Variants in IQSEC1 observed in about 807,000 individuals in gnomAD.
IQSEC1 encodes IQ motif and Sec7 domain ArfGEF 1, also known as IQ motif and SEC7 domain-containing protein 1.
Under a neutral mutation model 91.0 loss-of-function variants are expected in IQSEC1, and 31 were observed. The observed-to-expected ratio is 0.34, with a 90% CI of 0.26 to 0.46. The LOEUF (loss-of-function observed/expected upper bound fraction) is 0.46. Among genes scored for constraint, IQSEC1 ranks in the 20% least tolerant of loss-of-function variants. IQSEC1 has a pLI of 1.00. For synonymous variants in IQSEC1, 699 were observed against 662.6 expected (o/e 1.05, Z -0.84); for missense variants, 1,388 against 1,575.6 (o/e 0.88, Z 2.02).
intron 1 of IQSEC1, among the ~76,000 whole-genome samples, chr3:13,034,924 G>C (rs1048920951): frequency 6.6e-6 from 1 of 152,324 alleles, no homozygotes; most frequent in East Asian, 1.9e-4. Context: ...CCAGGGATCG[G>C]CCTCGCCCCG....
intron 1 of IQSEC1, among the ~76,000 whole-genome samples, chr3:13,241,947 A>G (rs1695027879): frequency 6.6e-6 from 1 of 152,260 alleles, no homozygotes; most frequent in East Asian, 1.9e-4. Context: ...GATTGACGCC[A>G]AGGAGCTGGA....
rs1694505049 is a variant in IQSEC1 at position 13,214,486 on chromosome 3, T to C, written c.273-50353A>G. On this transcript the variant is annotated intron_variant, in intron 1 of 15. Transcript: ENST00000648114. The surrounding 1 kb of genome is among the most constrained non-coding windows in gnomAD (Gnocchi z 4.5). ...GACATGTCCCTCCTCGTAGCCCTCC[T>C]TCCTCCAAGAAACAAATGGGAAACT... 6.6e-6 allele frequency among the ~76,000 whole-genome samples: 1 copy of C among 152,248 alleles called. No homozygotes were observed. Among genetic ancestry groups the C allele is most frequent in the African/African-American group, 2.4e-5 (1 of 41,470 alleles).
At chr3:12,934,953 C>G (rs192771509) in intron 3 of IQSEC1, among the ~76,000 whole-genome samples, 1 of 151,716 alleles carries the variant, frequency 6.6e-6, no homozygotes, top group African/African-American at 2.4e-5. Flanking sequence ...CTGAGCACTC[C>G]TACCCCCAGA....
At chr3:13,166,964 G>A (rs992880277) in intron 1 of IQSEC1, among the ~76,000 whole-genome samples, 30 of 152,258 alleles carry the variant, frequency 2.0e-4, no homozygotes, top group Non-Finnish European at 2.2e-4. Context: ...ATAATGTGGG[G>A]AGAAAAGCGA....
At chr3:13,252,405 C>G (rs762249659) in intron 1 of IQSEC1, among the ~76,000 whole-genome samples, 7 of 152,248 alleles carry the variant, frequency 4.6e-5, no homozygotes, top group Non-Finnish European at 1.0e-4. Context: ...CCATATTCCA[C>G]TGTGTGCATA....
At position 12,909,493 on chromosome 3, in the gene IQSEC1, T is replaced by C; in HGVS notation, c.2417-59A>G. 6.6e-7 allele frequency: 1 copy of C among 1,507,830 alleles called. No individual in the cohort carries two copies. Among genetic ancestry groups the C allele is most frequent in the Non-Finnish European group, 9.1e-7 (1 of 1,097,274 alleles). 93.4% of individuals were successfully genotyped at this position (1,507,830 alleles called of 1,614,324 possible). The stretch of plus-strand genomic sequence containing the variant: ...GGGTCTCAGTGTGTTCTCTGCAATC[T>C]CCTCTCTGGTCAGGAAACAATGGTA... On this transcript the variant is annotated intron_variant, in intron 10 of 13. Transcript: ENST00000613206. This position sits in a 1 kb window ranked among gnomAD's most constrained non-coding sequence, Gnocchi z 4.9.
intron 2 of IQSEC1, among the ~76,000 whole-genome samples, chr3:13,144,529 C>T (rs1346035503): frequency 6.6e-6 from 1 of 152,238 alleles, no homozygotes; most frequent in African/African-American, 2.4e-5. Context: ...ACCACACAGA[C>T]AATCCCCATT....
chr3:12,915,418 G>C (rs548014846), intron 7 of IQSEC1, among the ~76,000 whole-genome samples, 176 bp downstream of exon 7: 1 of 152,334 alleles, frequency 6.6e-6, no homozygotes, highest in South Asian at 2.1e-4. Context: ...AGAGCCAATA[G>C]CTGTTATTCC....
chr3:13,278,138 C>T (rs916057495), intron 1 of IQSEC1, among the ~76,000 whole-genome samples: 2 of 152,190 alleles, frequency 1.3e-5, no homozygotes, highest in Admixed American at 6.5e-5. Flanking sequence ...AAACCTCCCC[C>T]GGAGTGAGTC....
intron 1 of IQSEC1, among the ~76,000 whole-genome samples, chr3:13,197,045 T>C (rs934901851): frequency 1.3e-5 from 2 of 152,070 alleles, no homozygotes; most frequent in Non-Finnish European, 2.9e-5. Flanking sequence ...TGCCTCCACC[T>C]GGAGGCCCCT....
chr3:13,224,760 C>A lies in IQSEC1; in HGVS notation c.272+57951G>T, dbSNP rs116141653. Among the ~76,000 whole-genome samples, 1,315 of 152,248 alleles carry A rather than the reference C, an allele frequency of 8.6e-3. 20 individuals are homozygous for A. Among genetic ancestry groups the A allele is most frequent in the African/African-American group, 0.03 (1,251 of 41,542 alleles). On this transcript the variant is annotated intron_variant, in intron 1 of 15. Transcript: ENST00000648114. ...ATGGGAGCCATCTCCATTGTCAATC[C>A]CCCCGCCAACTCCCGTGACCACACA...
In IQSEC1 at chr3:13,263,969, G is replaced by C. The variant is rs886832973; in HGVS notation, c.272+18742C>G. Among the ~76,000 whole-genome samples the C allele has an allele frequency of 2.0e-5, 3 of 152,214 alleles. No individual in the cohort carries two copies. The South Asian group carries it at 6.2e-4, about 32-fold the overall frequency. On this transcript the variant is annotated intron_variant, in intron 1 of 15. Transcript: ENST00000648114. ...TCTGGATTTGCGTCCTTGTCCCTGC[G>C]CCTGTCCGCCTGGGCTTCCAACGTG...
At chr3:12,949,552 C>G (rs1475248487) in intron 1 of IQSEC1, among the ~76,000 whole-genome samples, 1 of 152,278 alleles carries the variant, frequency 6.6e-6, no homozygotes, top group Non-Finnish European at 1.5e-5. Flanking sequence ...TTTCTGATTT[C>G]CAGAAAGGGA....
chr3:12,952,642 C>T (rs1223689355), intron 1 of IQSEC1, among the ~76,000 whole-genome samples: 2 of 152,204 alleles, frequency 1.3e-5, no homozygotes, highest in Non-Finnish European at 2.9e-5. Flanking sequence ...TGCCACCCTC[C>T]TCTGAACCCC....
rs570279916 is a variant in IQSEC1, at chr3:12,963,763, T to G, written c.24-21898A>C. ...TACCATTTCACACTACTAACCTCAGTGCTTCTACATCTAGCCCAGGGCCTG... is the reference window on the plus strand; with the variant it reads ...TACCATTTCACACTACTAACCTCAGGGCTTCTACATCTAGCCCAGGGCCTG... On this transcript the variant is annotated intron_variant, in intron 1 of 13. Coordinates refer to ENST00000613206, the MANE Select transcript of IQSEC1 (RefSeq NM_001134382.3). Among the ~76,000 whole-genome samples the G allele has an allele frequency of 3.9e-5, 6 of 152,332 alleles. No homozygotes were observed. The East Asian group carries it at 1.2e-3, about 29-fold the overall frequency.
chr3:13,200,384 C>T (rs543698402), intron 1 of IQSEC1, among the ~76,000 whole-genome samples: 1 of 152,322 alleles, frequency 6.6e-6, no homozygotes, highest in Non-Finnish European at 1.5e-5. Context: ...CGTGTCCCCT[C>T]ACTGACTTCG....
chr3:13,273,893 C>T (rs1187776620), intron 1 of IQSEC1, among the ~76,000 whole-genome samples: 4 of 152,176 alleles, frequency 2.6e-5, no homozygotes, highest in Non-Finnish European at 5.9e-5. Flanking sequence ...CCTCACTCTG[C>T]CCCATGCACA....
rs1026043395 is a variant in IQSEC1, at chr3:12,939,866, T to G, written c.318+1705A>C. Among the ~76,000 whole-genome samples the G allele has an allele frequency of 3.3e-5, 5 of 152,316 alleles. No individual in the cohort carries two copies. In the South Asian group the frequency reaches 1.0e-3, roughly 32 times the overall value. ...TTTGCATTACTTTCTGGAAGTCAAC[T>G]GCCTCTGCATTGCTAACTTGCTCCT... On this transcript the variant is annotated intron_variant, in intron 2 of 13. Transcript: ENST00000613206.
chr3:12,988,049 C>T (rs1313996629), intron 1 of IQSEC1, among the ~76,000 whole-genome samples: 1 of 152,224 alleles, frequency 6.6e-6, no homozygotes, highest in African/African-American at 2.4e-5. Flanking sequence ...AAACTGAAAA[C>T]AACCCATGTG....
Sources: allele counts gnomAD v4.1 joint callset (sites outside exome capture counted in the v4.1 genomes callset), GRCh38; gene constraint gnomAD v4.1.1; non-coding constraint Gnocchi (gnomAD v3.1); transcripts MANE v1.5; gene names NCBI Gene and HGNC (gene_info 2026-07-23, HGNC 2026-07-21).